Variants in SMAD3 observed in about 807,000 individuals in gnomAD.
The protein encoded by SMAD3 is SMAD family member 3.
In SMAD3, 12 loss-of-function variants were observed where a neutral mutation model predicts 51.8. That is an observed-to-expected ratio of 0.23 (90% CI 0.15 to 0.38). The LOEUF (loss-of-function observed/expected upper bound fraction) is 0.38, where lower values mean the gene tolerates loss of function less well. Ranked by LOEUF, SMAD3 falls within the 10% of genes least tolerant of loss-of-function variation. The probability of loss-of-function intolerance (pLI) is 1.00; values close to 1 mark genes in which losing one functional copy is unlikely to be tolerated. For missense variants in SMAD3, 294 were observed against 565.6 expected (o/e 0.52, Z 4.87); for synonymous variants, 238 against 227.7 (o/e 1.05, Z -0.41).
intron 4 of SMAD3, among the ~76,000 whole-genome samples, chr15:67,168,298 C>G (rs1962646952): frequency 6.6e-6 from 1 of 152,232 alleles, no homozygotes; most frequent in African/African-American, 2.4e-5. Context: ...ATTGTAGTTG[C>G]TGAAATCCAG....
intron 1 of SMAD3, among the ~76,000 whole-genome samples, chr15:67,071,712 T>C (rs1053579837): frequency 2.6e-5 from 4 of 152,114 alleles, no homozygotes; most frequent in Non-Finnish European, 5.9e-5. Flanking sequence ...CTCGGGAGGC[T>C]GAGGCAAGAG....
At chr15:67,180,829 C>T (rs1288668710) in intron 5 of SMAD3, among the ~76,000 whole-genome samples, 1 of 152,088 alleles carries the variant, frequency 6.6e-6, no homozygotes, top group Non-Finnish European at 1.5e-5. Context: ...GTGGCCTGCC[C>T]CACAGTGAGT....
chr15:67,192,915 A>G lies in SMAD3; in HGVS notation c.*2379A>G. The stretch of plus-strand genomic sequence containing the variant: ...GAAGTTTGAGTTTTGTGTTTTTCCA[A>G]AGGATACTTCCTTGGCCCTTTTTCT... On this transcript the variant is annotated 3_prime_UTR_variant, in exon 9 of 9. Transcript: ENST00000327367. 4.3e-6 allele frequency: 1 copy of G among 233,294 alleles called. No homozygotes were observed. Among genetic ancestry groups the G allele is most frequent in the African/African-American group, 2.2e-5 (1 of 45,456 alleles). The allele number at this position is 233,294 out of a possible 1,614,324, so 14.5% of individuals were successfully genotyped here.
At chr15:67,187,592 G>A in intron 8 of SMAD3, 83 bp downstream of exon 8, 13 of 1,538,670 alleles carry the variant, frequency 8.4e-6, no homozygotes, top group Non-Finnish European at 1.1e-5. Context: ...CCTCAGAGAT[G>A]AGCTAGGCCA....
At chr15:67,163,013 G>A (rs550299809) in intron 1 of SMAD3, among the ~76,000 whole-genome samples, 10 of 151,780 alleles carry the variant, frequency 6.6e-5, no homozygotes, top group African/African-American at 1.9e-4. Context: ...TTGCTCTGTC[G>A]CCCAGGCTGG....
rs746688800 is a variant in SMAD3 at position 67,194,342 on chromosome 15, A to G, written c.*3806A>G. The G allele has an allele frequency of 5.6e-5, 13 of 230,094 alleles. No individual in the cohort carries two copies. Among genetic ancestry groups the G allele is most frequent in the Non-Finnish European group, 9.5e-5 (11 of 116,244 alleles). 14.3% of individuals were successfully genotyped at this position (230,094 alleles called of 1,614,324 possible). On this transcript the variant is annotated 3_prime_UTR_variant, in exon 9 of 9. Coordinates refer to ENST00000327367, the MANE Select transcript of SMAD3 (RefSeq NM_005902.4). ...AGCAGAAAAACGTACGCAAGAGGAC[A>G]TGGATCCAAAATGATGATGAAGCAT...
chr15:67,085,753 G>A lies in SMAD3; in HGVS notation c.206+19393G>A, dbSNP rs142393258. Among the ~76,000 whole-genome samples, 535 of 152,206 alleles carry A rather than the reference G, an allele frequency of 3.5e-3. 13 individuals carry two copies. In the East Asian group the frequency reaches 0.067, roughly 19 times the overall value. Reference sequence around the variant, plus strand: ...TTTTTTAACTTTCCTAGGTGATTCCGGTATGTGGCCGGGATTGAGAATCAC... The same window carrying A: ...TTTTTTAACTTTCCTAGGTGATTCCAGTATGTGGCCGGGATTGAGAATCAC... On this transcript the variant is annotated intron_variant, in intron 1 of 8. Transcript: ENST00000327367.
rs1421784456 is a variant in SMAD3, at chr15:67,112,027, AT to A, written c.206+45668del. Reference sequence around the variant, plus strand: ...GGTCTTGAACTCCTGACCTCAGATGATCCACCTGCCTCAGCCTCCCAAAGTG... The same window carrying A: ...GGTCTTGAACTCCTGACCTCAGATGACCACCTGCCTCAGCCTCCCAAAGTG... On this transcript the variant is annotated intron_variant, in intron 1 of 8. Transcript: ENST00000327367. Among the ~76,000 whole-genome samples the A allele has an allele frequency of 3.3e-5, 5 of 151,686 alleles. No individual in the cohort carries two copies. In the South Asian group the frequency reaches 8.3e-4, roughly 25 times the overall value.
At chr15:67,109,497 G>A (rs556678697) in intron 1 of SMAD3, among the ~76,000 whole-genome samples, 5 of 152,262 alleles carry the variant, frequency 3.3e-5, no homozygotes, top group Middle Eastern at 3.4e-3. Context: ...CTCTCCCCAG[G>A]GGTTCCTGCA....
intron 1 of SMAD3, among the ~76,000 whole-genome samples, chr15:67,096,192 T>C (rs1003845914): frequency 1.3e-5 from 2 of 152,206 alleles, no homozygotes; most frequent in South Asian, 2.1e-4. Context: ...ACCACTTATA[T>C]TGAAAATGAT....
chr15:67,090,162 G>A (rs1339500506), intron 1 of SMAD3, among the ~76,000 whole-genome samples: 1 of 152,212 alleles, frequency 6.6e-6, no homozygotes, highest in Admixed American at 6.5e-5. Flanking sequence ...ACCTTACTCA[G>A]GGTCAGGGCT....
At chr15:67,094,244 G>T (rs1273151896) in intron 1 of SMAD3, among the ~76,000 whole-genome samples, 1 of 152,160 alleles carries the variant, frequency 6.6e-6, no homozygotes, top group Non-Finnish European at 1.5e-5. Flanking sequence ...CTACGCTTAG[G>T]GCTGTGACCA....
intron 1 of SMAD3, among the ~76,000 whole-genome samples, chr15:67,122,858 TA>T (rs1281719809): frequency 6.6e-6 from 1 of 152,138 alleles, no homozygotes; most frequent in Non-Finnish European, 1.5e-5. Flanking sequence ...TCTTCATCTG[TA>T]AAACAGGGAT....
Position 67,180,043 on chromosome 15 carries a change from C to T in SMAD3, c.659-1198C>T, listed in dbSNP as rs536644232. Among the ~76,000 whole-genome samples the T allele has an allele frequency of 5.9e-5, 9 of 152,196 alleles. No homozygotes were observed. The South Asian group carries it at 1.7e-3, about 28-fold the overall frequency. ...AGGCTGAAGCTTTGAGATGGAAGAG[C>T]GAGAATGAGCAGGGGACTCCCTAAT... On this transcript the variant is annotated intron_variant, in intron 5 of 8. Transcript: ENST00000327367.
chr15:67,085,949 A>G (rs943712910), intron 1 of SMAD3, among the ~76,000 whole-genome samples: 1 of 151,852 alleles, frequency 6.6e-6, no homozygotes, highest in Non-Finnish European at 1.5e-5. Context: ...TTTGGTCACC[A>G]CAAGTGCTGG....
chr15:67,100,715 T>C (rs1266148359), intron 1 of SMAD3, among the ~76,000 whole-genome samples: 2 of 152,128 alleles, frequency 1.3e-5, no homozygotes, highest in Non-Finnish European at 2.9e-5. Context: ...TAGGTTTGTA[T>C]TGGGTAGGAA....
At chr15:67,160,965 G>A (rs1962415486) in intron 1 of SMAD3, among the ~76,000 whole-genome samples, 1 of 151,886 alleles carries the variant, frequency 6.6e-6, no homozygotes, top group South Asian at 2.1e-4. Context: ...TCTTGATGCG[G>A]TCTGATTTTT....
intron 1 of SMAD3, among the ~76,000 whole-genome samples, chr15:67,157,309 C>T (rs1479262328): frequency 6.6e-6 from 1 of 152,214 alleles, no homozygotes; most frequent in Non-Finnish European, 1.5e-5. Flanking sequence ...AATAACTATG[C>T]TGTGATTGAT....
At chr15:67,143,520 C>T (rs760890371) in intron 1 of SMAD3, among the ~76,000 whole-genome samples, 12 of 152,186 alleles carry the variant, frequency 7.9e-5, no homozygotes, top group Non-Finnish European at 1.5e-4. Flanking sequence ...CTGGAACCTC[C>T]GCCTCCCAGG....
Sources: gnomAD v4.1 joint callset for allele counts (sites outside exome capture counted in the v4.1 genomes callset) on GRCh38, gnomAD v4.1.1 for gene constraint, MANE v1.5 for transcripts, NCBI Gene and HGNC (gene_info 2026-07-23, HGNC 2026-07-21) for gene names.